Variants in SPATA9 observed in about 807,000 individuals in gnomAD.
SPATA9 encodes the protein spermatogenesis associated 9.
SPATA9 carries 27 observed loss-of-function variants against 25.5 expected under a neutral mutation model. That is an observed-to-expected ratio of 1.06 (90% confidence interval 0.78 to 1.46). SPATA9 has a LOEUF of 1.46. SPATA9 is among the 40% of genes most tolerant of loss of function. The pLI is 0.00. For missense variants in SPATA9, 282 were observed against 297.5 expected (o/e 0.95, Z 0.38); for synonymous variants, 102 against 105.7 (o/e 0.97, Z 0.21).
chr5:95,731,434 A>G, the SPATA9 span: 1 of 1,198,612 alleles, frequency 8.3e-7, no homozygotes, highest in Non-Finnish European at 1.0e-6. Context: ...GCGCCCGGCG[A>G]TGTTCCCGGG....
chr5:95,667,345 A>T (rs1276618759), intron 3 of SPATA9, among the ~76,000 whole-genome samples: 2 of 151,768 alleles, frequency 1.3e-5, no homozygotes, highest in African/African-American at 2.4e-5. Context: ...GGGTTGGGGA[A>T]AGGCTGTTTT....
At chr5:95,722,114 A>T in the SPATA9 span, among the ~76,000 whole-genome samples, 1 of 152,182 alleles carries the variant, frequency 6.6e-6, no homozygotes, top group Non-Finnish European at 1.5e-5. Flanking sequence ...AAAAAAGGAG[A>T]ACATTTCTAA....
the SPATA9 span, among the ~76,000 whole-genome samples, chr5:95,718,264 G>A: frequency 1.3e-5 from 2 of 152,136 alleles, no homozygotes; most frequent in Non-Finnish European, 2.9e-5. Flanking sequence ...GCAGTAGAGA[G>A]ATAAGAGTTG....
At chr5:95,655,868 A>AG, downstream of SPATA9, 2 of 578,498 alleles carry the variant, frequency 3.5e-6, no homozygotes, top group East Asian at 5.8e-5. Flanking sequence ...CAACTGTAAA[A>AG]GAGCTTGATG....
downstream of SPATA9, chr5:95,656,041 C>T: frequency 6.2e-7 from 1 of 1,611,306 alleles, no homozygotes. Flanking sequence ...TATTCTCTTC[C>T]CCAGGATTTT....
chr5:95,685,359 A>T (rs1473451899), upstream of SPATA9, among the ~76,000 whole-genome samples: 1 of 152,172 alleles, frequency 6.6e-6, no homozygotes, highest in African/African-American at 2.4e-5. Flanking sequence ...CCTACTTCAA[A>T]TTCAACAGAG....
the SPATA9 span, chr5:95,731,570 G>A: frequency 6.6e-7 from 1 of 1,507,798 alleles, no homozygotes; most frequent in Non-Finnish European, 8.9e-7. Context: ...GCGCGCGAGG[G>A]GGACGCGGCC....
chr5:95,713,009 TCTC>T, the SPATA9 span, among the ~76,000 whole-genome samples: 2 of 152,176 alleles, frequency 1.3e-5, no homozygotes, highest in Non-Finnish European at 2.9e-5. Flanking sequence ...TGAAATATAT[TCTC>T]CTATTAAGTT....
At chr5:95,682,769 C>T (rs768730369) in intron 1 of SPATA9, 25 bp downstream of exon 1, 1 of 1,540,836 alleles carries the variant, frequency 6.5e-7, no homozygotes, top group Non-Finnish European at 8.7e-7. Flanking sequence ...CACCCATACG[C>T]CCTTTACAAC....
At chr5:95,660,337 C>G (rs912766498) in intron 4 of SPATA9, among the ~76,000 whole-genome samples, 3 of 152,138 alleles carry the variant, frequency 2.0e-5, no homozygotes, top group African/African-American at 7.2e-5. Flanking sequence ...GCCCCACTTG[C>G]TAATACCACC....
upstream of SPATA9, among the ~76,000 whole-genome samples, chr5:95,686,661 C>T (rs1753753757): frequency 6.6e-6 from 1 of 152,090 alleles, no homozygotes; most frequent in Non-Finnish European, 1.5e-5. Context: ...GATGGGGCAA[C>T]CTGATGAAAT....
At chr5:95,684,715 T>C (rs1753691803), upstream of SPATA9, 1 of 152,236 alleles carries the variant, frequency 6.6e-6, no homozygotes, top group Non-Finnish European at 1.5e-5. Context: ...AATTATCTTC[T>C]TATGCCAATA....
chr5:95,707,130 A>G, the SPATA9 span, among the ~76,000 whole-genome samples: 2 of 152,244 alleles, frequency 1.3e-5, no homozygotes, highest in Non-Finnish European at 2.9e-5. Context: ...ATTCAAGAAT[A>G]AAAGTGAAAT....
Position 95,682,571 on chromosome 5 carries a change from T to C in SPATA9, c.107A>G (p.Lys36Arg), listed in dbSNP as rs763080355. The C allele has an allele frequency of 1.9e-6, 3 of 1,613,912 alleles. No individual in the cohort carries two copies. In the South Asian group the frequency reaches 3.3e-5, roughly 18 times the overall value. The change falls in exon 2 of 5, where the codon AAA becomes AGA. Residue 36 changes from lysine to arginine, a missense_variant. Transcript: ENST00000274432. ...TCTTAGGATGGTGGGAAATTCATCT[T>C]TAAACTCATCTACAAGGTCCATGAT... ...KAIMDLVDEF[K>R]DEFPTILRLS... is the part of the protein sequence containing the mutation.
chr5:95,705,736 G>A, the SPATA9 span, among the ~76,000 whole-genome samples: 1 of 152,086 alleles, frequency 6.6e-6, no homozygotes, highest in Admixed American at 6.5e-5. Context: ...AATATGAAAA[G>A]CCTTTTCATT....
the SPATA9 span, among the ~76,000 whole-genome samples, chr5:95,704,738 C>A: frequency 6.6e-6 from 1 of 151,940 alleles, no homozygotes; most frequent in East Asian, 1.9e-4. Context: ...TATTTCTCAC[C>A]GTTTTAGAGG....
At chr5:95,731,421 C>G in the SPATA9 span, 5 of 1,193,364 alleles carry the variant, frequency 4.2e-6, no homozygotes, top group Non-Finnish European at 5.2e-6. Context: ...GTGCGGCGGT[C>G]CCGCGCCCGG....
At chr5:95,680,916 C>T (rs2112678888) in intron 2 of SPATA9, among the ~76,000 whole-genome samples, 1 of 152,282 alleles carries the variant, frequency 6.6e-6, no homozygotes. Context: ...ATTCTTCTAG[C>T]CACCCACGAA....
the SPATA9 span, chr5:95,713,730 C>T: frequency 6.6e-6 from 1 of 152,026 alleles, no homozygotes; most frequent in African/African-American, 2.4e-5. Flanking sequence ...AGTTGTTTCT[C>T]TCCCTTCTCA....
Sources: allele counts gnomAD v4.1 joint callset (sites outside exome capture counted in the v4.1 genomes callset), GRCh38; gene constraint gnomAD v4.1.1; transcripts MANE v1.5; gene names NCBI Gene and HGNC (gene_info 2026-07-23, HGNC 2026-07-21).